AGMO: variants seen among roughly 807,000 people sequenced by gnomAD.
AGMO encodes the protein glyceryl-ether monooxygenase.
A neutral mutation model predicts 60.2 loss-of-function variants in AGMO; 75 were observed. That is an observed-to-expected ratio of 1.25 (90% CI 1.03 to 1.51). The LOEUF (loss-of-function observed/expected upper bound fraction) is 1.51. AGMO is among the 40% of genes most tolerant of loss of function. The pLI, the probability that AGMO is intolerant of heterozygous loss-of-function variation, is 0.00. For missense variants in AGMO, 763 were observed against 525.5 expected (o/e 1.45, Z -4.42); for synonymous variants, 261 against 177.1 (o/e 1.47, Z -3.76).
At chr7:15,362,399 T>A (rs777334759) in intron 12 of AGMO, among the ~76,000 whole-genome samples, 3 of 152,198 alleles carry the variant, frequency 2.0e-5, no homozygotes, top group African/African-American at 4.8e-5. Context: ...CAGAGAAGAC[T>A]TGCTCAAGTT....
intron 12 of AGMO, among the ~76,000 whole-genome samples, chr7:15,269,864 G>A (rs1010380673): frequency 2.0e-5 from 3 of 151,908 alleles, no homozygotes; most frequent in Non-Finnish European, 4.4e-5. Flanking sequence ...ATGTGGTATT[G>A]GAATTTTTGC....
At position 15,354,362 on chromosome 7, in the gene AGMO, GTA is replaced by G. The variant is rs1226841999; in HGVS notation, c.1263+11150_1263+11151del. ...TATACACGCGTGTATATAGACGTGT[GTA>G]TATAGACGTGTGTATACACGTGTGT... is the stretch of plus-strand genomic sequence containing the variant. On this transcript the variant is annotated intron_variant, in intron 12 of 12. Coordinates refer to ENST00000342526, the MANE Select transcript of AGMO (RefSeq NM_001004320.2). Among the ~76,000 whole-genome samples, 24 of 80,782 alleles carry G rather than the reference GTA, an allele frequency of 3.0e-4. 2 individuals carry two copies. The highest frequency in any genetic ancestry group is 1.5e-3 in the African/African-American group (21 of 14,086). The allele number at this position is 80,782 out of a possible 152,430, so 53.0% of individuals were successfully genotyped here. A position where few individuals can be genotyped will look rare whatever the true frequency, so the allele number is the denominator to read the frequency against.
At position 15,395,314 on chromosome 7, in the gene AGMO, A is replaced by C. The variant is rs148394189; in HGVS notation, c.610-1135T>G. 3.4e-3 allele frequency among the ~76,000 whole-genome samples: 515 copies of C among 152,306 alleles called. 2 individuals are homozygous for C. The highest frequency in any genetic ancestry group is 0.012 in the African/African-American group (481 of 41,578). ...GATATGAATTTGATAAGTCAGTGTC[A>C]CGGGAAGAAATAGAGATAAGACTGC... On this transcript the variant is annotated intron_variant, in intron 5 of 12. Transcript: ENST00000342526.
intron 5 of AGMO, among the ~76,000 whole-genome samples, chr7:15,395,164 CTG>C (rs1784320495): frequency 6.6e-6 from 1 of 152,170 alleles, no homozygotes. Context: ...AATCAATACA[CTG>C]TTATGATATT....
the AGMO span, among the ~76,000 whole-genome samples, chr7:15,177,783 T>C: frequency 1.3e-5 from 2 of 152,266 alleles, no homozygotes; most frequent in South Asian, 2.1e-4. Context: ...GGTAAAAATA[T>C]ATACTCTCCC....
chr7:15,223,565 T>C (rs1781985799), intron 12 of AGMO, among the ~76,000 whole-genome samples: 1 of 151,930 alleles, frequency 6.6e-6, no homozygotes, highest in Non-Finnish European at 1.5e-5. Flanking sequence ...GGGAGAAATA[T>C]TTTTTCCACA....
intron 5 of AGMO, among the ~76,000 whole-genome samples, chr7:15,417,561 G>T (rs62439282): frequency 6.6e-6 from 1 of 152,002 alleles, no homozygotes; most frequent in Non-Finnish European, 1.5e-5. Flanking sequence ...AGAATTGGCC[G>T]CAACATCTCT....
intron 6 of AGMO, among the ~76,000 whole-genome samples, chr7:15,393,151 G>A (rs1038161419): frequency 1.3e-5 from 2 of 152,196 alleles, no homozygotes; most frequent in African/African-American, 2.4e-5. Flanking sequence ...TGACTGTTGA[G>A]TTTGGAAGAG....
chr7:15,485,501 C>T (rs1411647449), intron 3 of AGMO, among the ~76,000 whole-genome samples: 1 of 152,084 alleles, frequency 6.6e-6, no homozygotes, highest in Non-Finnish European at 1.5e-5. Flanking sequence ...TCAATTTTCT[C>T]ATGTTCAGAT....
At chr7:15,123,904 T>G in the AGMO span, among the ~76,000 whole-genome samples, 121,915 of 152,052 alleles carry the variant, frequency 0.8, 50,504 homozygotes, top group East Asian at 0.99. Flanking sequence ...TACGCTTTGC[T>G]GGGACAGGTT....
intron 10 of AGMO, among the ~76,000 whole-genome samples, chr7:15,368,237 T>C (rs955067386): frequency 3.3e-5 from 5 of 150,358 alleles, no homozygotes; most frequent in African/African-American, 1.2e-4. Context: ...ATTAATATTT[T>C]GATATGTGAA....
chr7:15,371,923 G>A (rs1783234756), intron 10 of AGMO, among the ~76,000 whole-genome samples: 3 of 123,520 alleles, frequency 2.4e-5, no homozygotes, highest in Non-Finnish European at 5.7e-5. Context: ...ATTATTAAGT[G>A]TTTCTAAATA....
the AGMO span, among the ~76,000 whole-genome samples, chr7:15,178,043 C>T: frequency 6.6e-6 from 1 of 152,110 alleles, no homozygotes; most frequent in Non-Finnish European, 1.5e-5. Flanking sequence ...TCTTCTTACC[C>T]CTCCTCAGCC....
intron 3 of AGMO, among the ~76,000 whole-genome samples, chr7:15,543,714 T>C (rs1446426559): frequency 6.6e-6 from 1 of 152,064 alleles, no homozygotes; most frequent in Non-Finnish European, 1.5e-5. Flanking sequence ...TATATTAAAA[T>C]GCAATACTGC....
At chr7:15,358,516 G>C in intron 12 of AGMO, 2 of 452,246 alleles carry the variant, frequency 4.4e-6, no homozygotes, top group South Asian at 3.3e-5. Context: ...AATTAGGAGG[G>C]TAAGAATCCC....
In AGMO at chr7:15,310,467, T is replaced by C. The variant is rs1274984025; in HGVS notation, c.1263+55047A>G. ...CAATCTGGATTTAAGGTAAGGAGTA[T>C]CAGTTACTAATACTAAAAAACAAAA... On this transcript the variant is annotated intron_variant, in intron 12 of 12. Coordinates refer to ENST00000342526, the MANE Select transcript of AGMO (RefSeq NM_001004320.2). Among the ~76,000 whole-genome samples the C allele has an allele frequency of 3.3e-5, 5 of 152,146 alleles. No individual in the cohort carries two copies. The South Asian group carries it at 1.0e-3, about 31-fold the overall frequency.
intron 12 of AGMO, among the ~76,000 whole-genome samples, chr7:15,213,265 TTGGC>T (rs1781646387): frequency 1.3e-5 from 2 of 151,832 alleles, no homozygotes; most frequent in South Asian, 4.1e-4. Context: ...AGAAAAAACA[TTGGC>T]TGAGCACCAC....
chr7:15,272,331 C>T (rs1783640720), intron 12 of AGMO, among the ~76,000 whole-genome samples: 1 of 144,600 alleles, frequency 6.9e-6, no homozygotes, highest in Non-Finnish European at 1.5e-5. Context: ...TTCCCGTGTC[C>T]AAGTGTTCTC....
chr7:15,368,205 T>C (rs1783058576), intron 10 of AGMO, among the ~76,000 whole-genome samples: 1 of 150,898 alleles, frequency 6.6e-6, no homozygotes, highest in Non-Finnish European at 1.5e-5. Context: ...CAGAATGTCT[T>C]AGACCAGAGC....
Sources: gnomAD v4.1 joint callset for allele counts (sites outside exome capture counted in the v4.1 genomes callset) on GRCh38, gnomAD v4.1.1 for gene constraint, MANE v1.5 for transcripts, NCBI Gene and HGNC (gene_info 2026-07-23, HGNC 2026-07-21) for gene names.